SPATA7: variants seen among roughly 807,000 people sequenced by gnomAD.
SPATA7 encodes spermatogenesis associated 7.
Under a neutral mutation model 51.8 loss-of-function variants are expected in SPATA7, and 43 were observed. The observed-to-expected ratio is 0.83, with a 90% CI of 0.65 to 1.07. The LOEUF (loss-of-function observed/expected upper bound fraction) is 1.07. Ranked by LOEUF, SPATA7 falls within the 50% of genes least tolerant of loss-of-function variation. The probability of loss-of-function intolerance (pLI) is 0.00; values close to 1 mark genes in which losing one functional copy is unlikely to be tolerated. For synonymous variants in SPATA7, 230 were observed against 252.8 expected, an observed-to-expected ratio of 0.91 and a Z score of 0.86; for missense variants, 683 against 701.3, an observed-to-expected ratio of 0.97 and a Z score of 0.30.
chr14:88,459,809 T>G (rs1283833043), downstream of SPATA7, among the ~76,000 whole-genome samples: 2 of 152,240 alleles, frequency 1.3e-5, no homozygotes, highest in Admixed American at 1.3e-4. Context: ...CTTCCTAGCA[T>G]TGATGGTCTT....
In SPATA7 at chr14:88,469,012, G is replaced by A. The variant is rs1483966327; in HGVS notation, c.255-835G>A. The A allele has an allele frequency of 6.2e-7, 1 of 1,614,182 alleles. No individual in the cohort carries two copies. The highest frequency in any genetic ancestry group is 1.7e-5 in the Admixed American group (1 of 60,016). ...TGCAGTGGACCAACAACGGAGGGTT[G>A]GGGCTTTGGGGATCACTTGTGCTAT... On this transcript the variant is annotated intron_variant, in intron 4 of 4. Coordinates refer to the SPATA7 transcript ENST00000556406. The surrounding 1 kb of genome is among the most constrained non-coding windows in gnomAD (Gnocchi z 4.3).
At chr14:88,404,050 A>G (rs1356571083) in intron 4 of SPATA7, among the ~76,000 whole-genome samples, 1 of 152,182 alleles carries the variant, frequency 6.6e-6, no homozygotes, top group African/African-American at 2.4e-5. Context: ...AGCTGAAAAA[A>G]TTATTACCTA....
chr14:88,458,679 C>T (rs897575050), downstream of SPATA7, among the ~76,000 whole-genome samples: 1 of 152,002 alleles, frequency 6.6e-6, no homozygotes, highest in Non-Finnish European at 1.5e-5. Context: ...AAAACGAGCC[C>T]CTGGATTCAT....
intron 5 of SPATA7, among the ~76,000 whole-genome samples, chr14:88,420,685 T>C (rs1269727232): frequency 6.6e-6 from 1 of 152,198 alleles, no homozygotes; most frequent in East Asian, 1.9e-4. Context: ...GCCAGTGTTA[T>C]TTCACCTATA....
chr14:88,469,846 G>A lies in SPATA7; in HGVS notation c.255-1G>A. 6.2e-7 allele frequency: 1 copy of A among 1,607,284 alleles called. No individual in the cohort carries two copies. The highest frequency in any genetic ancestry group is 1.1e-5 in the South Asian group (1 of 90,890). ...ACCCTACCCTGCCTTTTTCTCCACA[G>A]GTCAGGATTCCAGATGATTAACATT... On this transcript the variant is annotated splice_acceptor_variant, in intron 4 of 4. Transcript: ENST00000556406. LOFTEE classifies it high-confidence loss of function. This position sits in a 1 kb window ranked among gnomAD's most constrained non-coding sequence, Gnocchi z 4.3.
chr14:88,443,180 T>C (rs1438677682), downstream of SPATA7, among the ~76,000 whole-genome samples: 2 of 152,152 alleles, frequency 1.3e-5, no homozygotes, highest in African/African-American at 4.8e-5. Context: ...CCTGACCTCG[T>C]GGTCCACCCG....
intron 4 of SPATA7, among the ~76,000 whole-genome samples, chr14:88,465,490 C>T (rs998828445): frequency 6.6e-6 from 1 of 152,068 alleles, no homozygotes; most frequent in Non-Finnish European, 1.5e-5. Flanking sequence ...AAAATGAGTA[C>T]TTTCTGTGCT....
chr14:88,437,134 A>G (rs758231945), intron 10 of SPATA7, among the ~76,000 whole-genome samples: 2 of 150,678 alleles, frequency 1.3e-5, no homozygotes, highest in African/African-American at 4.9e-5. Context: ...TTAATATAGG[A>G]ATTTTTAAAA....
rs2077152994 is a variant in SPATA7 at position 88,438,442 on chromosome 14, C to T, written c.*20C>T. The T allele has an allele frequency of 1.3e-6, 2 of 1,529,544 alleles. No homozygotes were observed. The highest frequency in any genetic ancestry group is 2.7e-5 in the African/African-American group (2 of 73,248). 94.7% of individuals were successfully genotyped at this position (1,529,544 alleles called of 1,614,324 possible). On this transcript the variant is annotated 3_prime_UTR_variant, in exon 12 of 12. Coordinates refer to ENST00000393545, the MANE Select transcript of SPATA7 (RefSeq NM_018418.5). ...GTTTAATCTTCATTAATAAATACCTCAAATGGCCAGTAACTCAATATTACT... is the reference window on the plus strand; with the variant it reads ...GTTTAATCTTCATTAATAAATACCTTAAATGGCCAGTAACTCAATATTACT...
At chr14:88,440,121 C>T (rs2077168241), downstream of SPATA7, among the ~76,000 whole-genome samples, 1 of 152,170 alleles carries the variant, frequency 6.6e-6, no homozygotes, top group African/African-American at 2.4e-5. Flanking sequence ...CACAAACCCC[C>T]TCTTCCCATT....
At chr14:88,463,167 T>C (rs1290969469) in intron 4 of SPATA7, among the ~76,000 whole-genome samples, 1 of 152,128 alleles carries the variant, frequency 6.6e-6, no homozygotes, top group East Asian at 1.9e-4. Context: ...ACCTTCCTTC[T>C]TGGGCCATCC....
chr14:88,464,635 CAGG>C (rs1315872997), intron 4 of SPATA7, among the ~76,000 whole-genome samples: 1 of 152,028 alleles, frequency 6.6e-6, no homozygotes, highest in South Asian at 2.1e-4. Context: ...GAGGCCAAGG[CAGG>C]AGAATTGCTT....
intron 4 of SPATA7, among the ~76,000 whole-genome samples, chr14:88,406,434 CTT>C (rs59427279): frequency 1.2e-4 from 16 of 138,072 alleles, no homozygotes; most frequent in Non-Finnish European, 1.6e-4. Flanking sequence ...CACTAATCTA[CTT>C]TTTTTTTTTT....
intron 3 of SPATA7, 161 bp downstream of exon 3, chr14:88,393,649 CA>C (rs1434106652): frequency 1.6e-5 from 9 of 555,518 alleles, no homozygotes; most frequent in African/African-American, 1.9e-5. Flanking sequence ...AGGTACTTAG[CA>C]AATTCATACC....
chr14:88,435,287 A>G (rs1230255835), intron 10 of SPATA7, among the ~76,000 whole-genome samples: 1 of 152,102 alleles, frequency 6.6e-6, no homozygotes, highest in Admixed American at 6.6e-5. Flanking sequence ...TTTTTTAATT[A>G]TTTTTTAAAA....
intron 3 of SPATA7, among the ~76,000 whole-genome samples, chr14:88,394,364 C>T (rs142963450): frequency 6.6e-4 from 100 of 152,256 alleles, no homozygotes; most frequent in African/African-American, 1.8e-3. Context: ...TCTGCTCTTT[C>T]GCCTATAGTT....
downstream of SPATA7, among the ~76,000 whole-genome samples, chr14:88,457,703 T>C (rs879009263): frequency 6.6e-6 from 1 of 152,198 alleles, no homozygotes; most frequent in Non-Finnish European, 1.5e-5. Context: ...CTTTTCCTAA[T>C]TGAATACCCT....
At chr14:88,398,271 CAT>C (rs1190616628) in intron 4 of SPATA7, among the ~76,000 whole-genome samples, 2 of 151,556 alleles carry the variant, frequency 1.3e-5, no homozygotes, top group African/African-American at 4.8e-5. Flanking sequence ...AAATGTGGCA[CAT>C]ATACACCATG....
rs1213839436 is a variant in SPATA7, at chr14:88,416,739, CA to C, written c.272del (p.Lys91ArgfsTer3). On this transcript the variant is annotated frameshift_variant, in exon 5 of 12. Transcript: ENST00000393545. LOFTEE classifies it high-confidence loss of function. ...CAGACCAACAACGAAGAGAGAAACT[CA>C]AAAAGGAATTAGCACAATGTGAAAA... ...YADQQRREKLKKELAQCEKEF... is the reference protein window; with the variant it reads ...YADQQRREKLXKELAQCEKEF... 6.2e-7 allele frequency: 1 copy of C among 1,613,054 alleles called. No individual in the cohort carries two copies.
Sources: gnomAD v4.1 joint callset for allele counts (sites outside exome capture counted in the v4.1 genomes callset) on GRCh38, gnomAD v4.1.1 for gene constraint, Gnocchi (gnomAD v3.1) non-coding constraint, MANE v1.5 for transcripts, NCBI Gene and HGNC (gene_info 2026-07-23, HGNC 2026-07-21) for gene names.